Variants in BAIAP2 observed in about 807,000 individuals in gnomAD.
BAIAP2 encodes BAR/IMD domain containing adaptor protein 2, also known as BAR/IMD domain-containing adapter protein 2.
In BAIAP2, 18 loss-of-function variants were observed where a neutral mutation model predicts 63.0. The ratio of observed to expected loss-of-function variants is 0.29; its 90% confidence interval spans 0.20 to 0.42. The LOEUF (loss-of-function observed/expected upper bound fraction) is 0.42. Among genes scored for constraint, BAIAP2 ranks in the 10% least tolerant of loss-of-function variants. The pLI, the probability that BAIAP2 is intolerant of heterozygous loss-of-function variation, is 1.00. For missense variants in BAIAP2, 610 were observed against 734.3 expected, an observed-to-expected ratio of 0.83 and a Z score of 1.96; for synonymous variants, 386 against 307.6, an observed-to-expected ratio of 1.25 and a Z score of -2.67.
chr17:81,114,067 C>G (rs535726469), intron 13 of BAIAP2, among the ~76,000 whole-genome samples: 5 of 149,422 alleles, frequency 3.3e-5, no homozygotes, highest in Admixed American at 1.3e-4. Context: ...TGGGTTCAAG[C>G]GATCCTCCCA....
chr17:81,086,307 G>A (rs2055632437), intron 5 of BAIAP2, 136 bp from the exon 6 acceptor site: 2 of 1,091,484 alleles, frequency 1.8e-6, no homozygotes, highest in African/African-American at 1.6e-5. Context: ...GCCAGAGAGC[G>A]AGCCAGGAAG....
chr17:81,114,798 T>C (rs2060330114), intron 13 of BAIAP2, among the ~76,000 whole-genome samples: 1 of 151,600 alleles, frequency 6.6e-6, no homozygotes. Context: ...TCTTCCCGGG[T>C]AGCTGGACGG....
intron 6 of BAIAP2, among the ~76,000 whole-genome samples, chr17:81,089,373 G>A (rs57852247): frequency 0.21 from 32,405 of 152,216 alleles, 4,028 homozygotes; most frequent in East Asian, 0.49. Flanking sequence ...TGGACCTGGC[G>A]GTGACTCGAG....
chr17:81,057,026 G>A (rs908139212), intron 2 of BAIAP2, among the ~76,000 whole-genome samples: 9 of 152,250 alleles, frequency 5.9e-5, no homozygotes, highest in Admixed American at 3.3e-4. Flanking sequence ...CAAATTGTGC[G>A]CTTAATTGAA....
At chr17:81,081,505 G>A (rs1245294979) in intron 3 of BAIAP2, among the ~76,000 whole-genome samples, 1 of 152,154 alleles carries the variant, frequency 6.6e-6, no homozygotes, top group Non-Finnish European at 1.5e-5. Flanking sequence ...TCTCTTGTGG[G>A]GTCTGTGCTG....
In BAIAP2 at chr17:81,046,958, C is replaced by T. The variant is rs2047904027; in HGVS notation, c.55-6710C>T. The stretch of plus-strand genomic sequence containing the variant: ...CTGCCGGCCCCGCAGCTGCCACCGG[C>T]TTCTGCCTGTCGCGACAGAGGTGGA... On this transcript the variant is annotated intron_variant, in intron 1 of 13. Coordinates refer to ENST00000428708, the MANE Select transcript of BAIAP2 (RefSeq NM_001144888.2). The surrounding 1 kb of genome is among the most constrained non-coding windows in gnomAD (Gnocchi z 4.5). Among the ~76,000 whole-genome samples the T allele has an allele frequency of 1.3e-5, 2 of 152,204 alleles. No individual in the cohort carries two copies. Among genetic ancestry groups the T allele is most frequent in the South Asian group, 4.1e-4 (2 of 4,830 alleles).
intron 1 of BAIAP2, among the ~76,000 whole-genome samples, chr17:81,038,325 G>A (rs2046581364): frequency 6.6e-6 from 1 of 152,240 alleles, no homozygotes; most frequent in Middle Eastern, 3.2e-3. Flanking sequence ...TCAGGTGGGT[G>A]TTTTCCTCAA....
chr17:81,072,664 C>T (rs938930841), intron 3 of BAIAP2, among the ~76,000 whole-genome samples: 2 of 152,166 alleles, frequency 1.3e-5, no homozygotes, highest in Non-Finnish European at 2.9e-5. Flanking sequence ...GACACCTGCG[C>T]CCAGAGGCCA....
intron 1 of BAIAP2, among the ~76,000 whole-genome samples, chr17:81,047,949 C>T (rs1284899198): frequency 6.6e-6 from 1 of 152,252 alleles, no homozygotes. Flanking sequence ...CCATACGCGC[C>T]CACCCTGGCA....
chr17:81,050,199 G>A (rs1045249270), intron 1 of BAIAP2, among the ~76,000 whole-genome samples: 5 of 152,212 alleles, frequency 3.3e-5, no homozygotes, highest in Admixed American at 1.3e-4. Context: ...CCTTCCGCCC[G>A]CCCGGGAAGG....
intron 1 of BAIAP2, among the ~76,000 whole-genome samples, chr17:81,047,543 C>T (rs1452220711): frequency 1.5e-4 from 23 of 152,290 alleles, no homozygotes; most frequent in African/African-American, 4.1e-4. Context: ...CAGGTAAACA[C>T]GTTCATGCCC....
chr17:81,054,986 C>T (rs2049233483), intron 2 of BAIAP2, among the ~76,000 whole-genome samples: 1 of 152,198 alleles, frequency 6.6e-6, no homozygotes, highest in South Asian at 2.1e-4. Context: ...GTCCCTGTAA[C>T]TGCAGCATCT....
At chr17:81,055,569 G>GTTTTTTTTTTTTTTTTTTTTTTTTTTT (rs1555657837) in intron 2 of BAIAP2, among the ~76,000 whole-genome samples, 12 of 94,222 alleles carry the variant, frequency 1.3e-4, no homozygotes, top group Non-Finnish European at 2.4e-4. Context: ...TCTGCAGGGT[G>GTTTTTTTTTTTTTTTTTTTTTTTTTTT]TTTTGTTTTT....
At chr17:81,111,152 T>C (rs2059882860) in intron 13 of BAIAP2, among the ~76,000 whole-genome samples, 1 of 152,178 alleles carries the variant, frequency 6.6e-6, no homozygotes, top group Non-Finnish European at 1.5e-5. Flanking sequence ...ATGGTATCTT[T>C]CTCCCCTCCC....
chr17:81,116,498 G>A lies in BAIAP2; in HGVS notation c.*659G>A. 2 of 716,924 alleles carry A rather than the reference G, an allele frequency of 2.8e-6. No homozygotes were observed. Among genetic ancestry groups the A allele is most frequent in the Non-Finnish European group, 4.5e-6 (2 of 447,312 alleles). The allele number at this position is 716,924 out of a possible 1,614,324, so 44.4% of individuals were successfully genotyped here. ...TCCTCCTTACCCAACCTCCCATCCA[G>A]AACCTTGCTGCCAGGGCCTCCCAGC... is the stretch of plus-strand genomic sequence containing the variant. On this transcript the variant is annotated 3_prime_UTR_variant, in exon 14 of 14. Transcript: ENST00000428708.
chr17:81,084,707 C>G, intron 3 of BAIAP2, 125 bp from the exon 4 acceptor site: 1 of 878,972 alleles, frequency 1.1e-6, no homozygotes, highest in Non-Finnish European at 1.9e-6. Context: ...GGCCCTGACA[C>G]CCCGGGGGCC....
chr17:81,114,811 T>C (rs2060332246), intron 13 of BAIAP2, among the ~76,000 whole-genome samples: 2 of 151,770 alleles, frequency 1.3e-5, no homozygotes, highest in Non-Finnish European at 1.5e-5. Flanking sequence ...CTGGACGGAG[T>C]CTGCCTGCCC....
At chr17:81,091,655 G>A (rs73365947) in intron 6 of BAIAP2, among the ~76,000 whole-genome samples, 13 of 152,334 alleles carry the variant, frequency 8.5e-5, no homozygotes, top group African/African-American at 2.9e-4. Flanking sequence ...GGCCCATTCG[G>A]GCTCCTGGGG....
At chr17:81,066,585 G>C (rs377053781) in intron 3 of BAIAP2, among the ~76,000 whole-genome samples, 1 of 152,196 alleles carries the variant, frequency 6.6e-6, no homozygotes, top group South Asian at 2.1e-4. Flanking sequence ...GGCTCCCTCC[G>C]TGTGTGCGGC....
Sources: gnomAD v4.1 joint callset for allele counts (sites outside exome capture counted in the v4.1 genomes callset) on GRCh38, gnomAD v4.1.1 for gene constraint, Gnocchi (gnomAD v3.1) non-coding constraint, MANE v1.5 for transcripts, NCBI Gene and HGNC (gene_info 2026-07-23, HGNC 2026-07-21) for gene names.